The following SLC8A1 variants were observed in gnomAD, a reference collection of about 807,000 sequenced individuals.
SLC8A1 encodes the protein sodium/calcium exchanger 1.
A neutral mutation model predicts 68.3 loss-of-function variants in SLC8A1; 18 were observed. The observed-to-expected ratio is 0.26, with a 90% CI of 0.18 to 0.39. The LOEUF (loss-of-function observed/expected upper bound fraction) is 0.39, where lower values mean the gene tolerates loss of function less well. SLC8A1 is among the 10% of genes least tolerant of loss of function. The pLI, the probability that SLC8A1 is intolerant of heterozygous loss-of-function variation, is 1.00. For synonymous variants in SLC8A1, 475 were observed against 415.5 expected, an observed-to-expected ratio of 1.14 and a Z score of -1.74; for missense variants, 985 against 1,156.7, an observed-to-expected ratio of 0.85 and a Z score of 2.15.
At chr2:40,165,739 C>T (rs2046439060) in intron 4 of SLC8A1, among the ~76,000 whole-genome samples, 2 of 152,132 alleles carry the variant, frequency 1.3e-5, no homozygotes, top group African/African-American at 4.8e-5. Context: ...AGCTTACAGT[C>T]CAGGAGAGGA....
chr2:40,182,563 A>C (rs759729622), intron 2 of SLC8A1, among the ~76,000 whole-genome samples: 1 of 152,184 alleles, frequency 6.6e-6, no homozygotes, highest in Non-Finnish European at 1.5e-5. Flanking sequence ...TTCCTTTTGA[A>C]GTTGGCAGTG....
chr2:40,317,962 C>T (rs933145366), intron 2 of SLC8A1, among the ~76,000 whole-genome samples: 1 of 152,018 alleles, frequency 6.6e-6, no homozygotes, highest in Non-Finnish European at 1.5e-5. Flanking sequence ...GTGCAGATTT[C>T]CTGGTGGGTC....
intron 1 of SLC8A1, among the ~76,000 whole-genome samples, chr2:40,508,153 T>G (rs1322773184): frequency 6.6e-6 from 1 of 152,054 alleles, no homozygotes; most frequent in Non-Finnish European, 1.5e-5. Flanking sequence ...TAATGATTAT[T>G]GTGTATTATT....
At chr2:40,405,162 T>A (rs529311305) in intron 2 of SLC8A1, among the ~76,000 whole-genome samples, 4 of 152,160 alleles carry the variant, frequency 2.6e-5, no homozygotes, top group South Asian at 4.1e-4. Context: ...TACTTCTTAA[T>A]TCCCATAAGA....
chr2:40,244,645 T>C (rs1011694453), intron 2 of SLC8A1, among the ~76,000 whole-genome samples: 1 of 97,782 alleles, frequency 1.0e-5, no homozygotes, highest in Admixed American at 1.4e-4. Context: ...AGCCTGTCTA[T>C]GCAATGATCG....
intron 2 of SLC8A1, among the ~76,000 whole-genome samples, chr2:40,287,633 A>G (rs974561334): frequency 7.0e-5 from 6 of 86,292 alleles, no homozygotes; most frequent in Non-Finnish European, 1.2e-4. Context: ...TGCAGGGACA[A>G]GGGGGCATCT....
chr2:40,269,186 T>C (rs1157812280), intron 2 of SLC8A1, among the ~76,000 whole-genome samples: 4 of 152,238 alleles, frequency 2.6e-5, no homozygotes, highest in Non-Finnish European at 5.9e-5. Context: ...GGTTTTTGTC[T>C]TTATTATAGA....
chr2:40,180,575 G>T (rs762186149), intron 2 of SLC8A1, among the ~76,000 whole-genome samples: 1 of 152,184 alleles, frequency 6.6e-6, no homozygotes, highest in Non-Finnish European at 1.5e-5. Flanking sequence ...ATAGGGCCAC[G>T]CTACTGTTCT....
chr2:40,324,729 G>A (rs1251524705), intron 2 of SLC8A1, among the ~76,000 whole-genome samples: 2 of 151,600 alleles, frequency 1.3e-5, no homozygotes, highest in Non-Finnish European at 2.9e-5. Context: ...AGGCATCAAT[G>A]TCTCAAATCT....
intron 2 of SLC8A1, among the ~76,000 whole-genome samples, chr2:40,202,476 T>G (rs909264071): frequency 6.6e-6 from 1 of 152,038 alleles, no homozygotes; most frequent in African/African-American, 2.4e-5. Context: ...ATAAACATCT[T>G]CAGAACAAAA....
chr2:40,282,284 A>G (rs182217031), intron 2 of SLC8A1, among the ~76,000 whole-genome samples: 3 of 152,314 alleles, frequency 2.0e-5, no homozygotes, highest in African/African-American at 7.2e-5. Context: ...CTGGAATAAA[A>G]TCCAGAATTC....
intron 2 of SLC8A1, among the ~76,000 whole-genome samples, chr2:40,245,643 T>TAATA (rs940652693): frequency 3.0e-4 from 46 of 152,338 alleles, no homozygotes; most frequent in Admixed American, 2.7e-3. Context: ...GTCTTTGCAT[T>TAATA]AATATTGTCA....
chr2:40,252,317 T>TTAGA (rs1331253723), intron 2 of SLC8A1, among the ~76,000 whole-genome samples: 1 of 152,104 alleles, frequency 6.6e-6, no homozygotes, highest in African/African-American at 2.4e-5. Flanking sequence ...GTTTTTTTTT[T>TTAGA]TAGATAGTAC....
chr2:40,412,524 A>T (rs1278487922), intron 2 of SLC8A1, among the ~76,000 whole-genome samples: 2 of 152,170 alleles, frequency 1.3e-5, no homozygotes, highest in Non-Finnish European at 2.9e-5. Context: ...ACTGAAACAG[A>T]TTCTTGACCA....
intron 2 of SLC8A1, among the ~76,000 whole-genome samples, chr2:40,287,498 G>A (rs925857708): frequency 6.6e-6 from 1 of 151,594 alleles, no homozygotes; most frequent in Non-Finnish European, 1.5e-5. Flanking sequence ...ATAATATCTG[G>A]GATGCCAGAC....
chr2:40,490,160 A>G (rs1433864184), intron 1 of SLC8A1, among the ~76,000 whole-genome samples: 1 of 152,168 alleles, frequency 6.6e-6, no homozygotes, highest in Non-Finnish European at 1.5e-5. Context: ...GCTATGCATC[A>G]TCTAAACATC....
intron 2 of SLC8A1, among the ~76,000 whole-genome samples, chr2:40,345,089 G>T (rs561634610): frequency 6.6e-6 from 1 of 152,152 alleles, no homozygotes; most frequent in African/African-American, 2.4e-5. Flanking sequence ...AATGCCAAGA[G>T]TCTTCATTCT....
exon 8 of SLC8A1, chr2:40,111,972 G>A (rs2034584807): frequency 1.3e-5 from 2 of 152,146 alleles, no homozygotes; most frequent in Admixed American, 6.5e-5. Flanking sequence ...TCAGTGAAAT[G>A]GAGGAATGTC....
chr2:40,115,242 T>C, exon 8 of SLC8A1: 1 of 1,585,046 alleles, frequency 6.3e-7, no homozygotes, highest in Non-Finnish European at 8.6e-7. Flanking sequence ...TTACTATATC[T>C]GATAGTTCCT....
Sources: allele counts gnomAD v4.1 joint callset (sites outside exome capture counted in the v4.1 genomes callset), GRCh38; gene constraint gnomAD v4.1.1; transcripts MANE v1.5; gene names NCBI Gene and HGNC (gene_info 2026-07-23, HGNC 2026-07-21).